EGFR: variants seen among roughly 807,000 people sequenced by gnomAD.
The protein encoded by EGFR is avian erythroblastic leukemia viral (v-erb-b) oncogene homolog.
EGFR carries 58 observed loss-of-function variants against 143.0 expected under a neutral mutation model. The ratio of observed to expected loss-of-function variants is 0.41; its 90% CI spans 0.33 to 0.50. EGFR has a LOEUF of 0.50. Ranked by LOEUF, EGFR falls within the 20% of genes least tolerant of loss-of-function variation. EGFR has a pLI of 0.39. For missense variants in EGFR, 1,307 were observed against 1,579.0 expected, an observed-to-expected ratio of 0.83 and a Z score of 2.92; for synonymous variants, 613 against 594.4, an observed-to-expected ratio of 1.03 and a Z score of -0.45.
At chr7:55,148,438 A>G (rs926309677) in intron 4 of EGFR, among the ~76,000 whole-genome samples, 6 of 152,218 alleles carry the variant, frequency 3.9e-5, no homozygotes, top group Non-Finnish European at 2.9e-5. Context: ...TGCAGTAAAA[A>G]GATTCAAATA....
At chr7:55,202,312 C>A (rs1787884603) in intron 26 of EGFR, among the ~76,000 whole-genome samples, 1 of 152,252 alleles carries the variant, frequency 6.6e-6, no homozygotes, top group Non-Finnish European at 1.5e-5. Flanking sequence ...GCGGAAAGTT[C>A]TGCTGTACAG....
chr7:55,094,475 G>A (rs1791323381), intron 1 of EGFR, among the ~76,000 whole-genome samples: 1 of 152,232 alleles, frequency 6.6e-6, no homozygotes, highest in South Asian at 2.1e-4. Context: ...TAAGATGTAG[G>A]CAGTTGATCC....
At chr7:55,034,956 T>A (rs977057750) in intron 1 of EGFR, among the ~76,000 whole-genome samples, 7 of 152,208 alleles carry the variant, frequency 4.6e-5, no homozygotes, top group African/African-American at 1.7e-4. Context: ...AAGGGTGGTC[T>A]AACCTTTGTC....
chr7:55,070,257 A>G (rs1789742951), intron 1 of EGFR, among the ~76,000 whole-genome samples: 1 of 152,170 alleles, frequency 6.6e-6, no homozygotes, highest in South Asian at 2.1e-4. Context: ...CTTGCTTTTC[A>G]GGGCACAATA....
intron 20 of EGFR, among the ~76,000 whole-genome samples, chr7:55,187,997 G>T (rs1009796482): frequency 6.6e-6 from 1 of 152,218 alleles, no homozygotes; most frequent in Non-Finnish European, 1.5e-5. Context: ...CAAAGTGGAG[G>T]TGAGAGGTGA....
chr7:55,107,196 T>A (rs189114849), intron 1 of EGFR, among the ~76,000 whole-genome samples: 1 of 152,224 alleles, frequency 6.6e-6, no homozygotes. Flanking sequence ...GTAACAATTA[T>A]GTATTTCTTC....
rs183939744 is a variant in EGFR at position 55,083,329 on chromosome 7, C to T, written c.89-58957C>T. 8.5e-5 allele frequency among the ~76,000 whole-genome samples: 13 copies of T among 152,366 alleles called. No individual in the cohort carries two copies. In the East Asian group the frequency reaches 2.5e-3, roughly 29 times the overall value. On this transcript the variant is annotated intron_variant, in intron 1 of 27. Transcript: ENST00000275493. ...GAATGTATTTCAATCATCATGTTCA[C>T]TTCCTTGGTATTCTTTAGACAATAA...
intron 1 of EGFR, among the ~76,000 whole-genome samples, chr7:55,074,096 C>T (rs922519294): frequency 2.0e-5 from 3 of 152,230 alleles, no homozygotes; most frequent in South Asian, 2.1e-4. Flanking sequence ...ATCTGCCTCG[C>T]GAAGGCTAAG....
intron 1 of EGFR, among the ~76,000 whole-genome samples, chr7:55,084,609 A>T (rs1790651967): frequency 6.6e-6 from 1 of 152,218 alleles, no homozygotes; most frequent in Non-Finnish European, 1.5e-5. Flanking sequence ...GCTTCTGTTG[A>T]TTAGAAGAGT....
rs145967840 is a variant in EGFR at position 55,022,235 on chromosome 7, C to G, written c.88+2870C>G. ...GCCTCTTACAGGATGAAGGTGCTCTCCAGAAGGGACACTGGAAAGTATTCC... is the reference window on the plus strand; with the variant it reads ...GCCTCTTACAGGATGAAGGTGCTCTGCAGAAGGGACACTGGAAAGTATTCC... On this transcript the variant is annotated intron_variant, in intron 1 of 27. Transcript: ENST00000275493. Among the ~76,000 whole-genome samples the G allele has an allele frequency of 3.8e-3, 573 of 152,242 alleles. 2 individuals are homozygous for G. The highest frequency in any genetic ancestry group is 0.013 in the African/African-American group (529 of 41,522).
chr7:55,184,179 G>A (rs1340129440), intron 20 of EGFR, among the ~76,000 whole-genome samples: 2 of 152,200 alleles, frequency 1.3e-5, no homozygotes, highest in Non-Finnish European at 2.9e-5. Context: ...GGAGGGCAGT[G>A]AGCCCCTTCG....
At chr7:55,063,397 A>G (rs1789307605) in intron 1 of EGFR, among the ~76,000 whole-genome samples, 1 of 152,144 alleles carries the variant, frequency 6.6e-6, no homozygotes, top group Non-Finnish European at 1.5e-5. Context: ...GATTGAAACG[A>G]TGTGGAATTC....
chr7:55,199,182 C>G lies in EGFR; in HGVS notation c.2848+319C>G, dbSNP rs17337416. ...TACCGAGTTGCCCTATATTTTGAAGCCTGTTACCAGAGAGACTGAATGTTT... is the reference window on the plus strand; with the variant it reads ...TACCGAGTTGCCCTATATTTTGAAGGCTGTTACCAGAGAGACTGAATGTTT... On this transcript the variant is annotated intron_variant, in intron 23 of 27. Coordinates refer to ENST00000275493, the MANE Select transcript of EGFR (RefSeq NM_005228.5). Among the ~76,000 whole-genome samples the G allele has an allele frequency of 3.4e-3, 516 of 152,314 alleles. 7 individuals carry two copies. Among genetic ancestry groups the G allele is most frequent in the African/African-American group, 0.012 (487 of 41,560 alleles).
chr7:55,031,157 T>C (rs1787220282), intron 1 of EGFR, among the ~76,000 whole-genome samples: 1 of 152,218 alleles, frequency 6.6e-6, no homozygotes, highest in Non-Finnish European at 1.5e-5. Context: ...TCTCCAGTTG[T>C]TATCTAGGTG....
At chr7:55,085,105 A>G (rs1431416391) in intron 1 of EGFR, among the ~76,000 whole-genome samples, 1 of 152,152 alleles carries the variant, frequency 6.6e-6, no homozygotes, top group Non-Finnish European at 1.5e-5. Flanking sequence ...AGGTCAGGGC[A>G]CCAGCAGCCT....
rs901965819 is a variant in EGFR, at chr7:55,211,298, C to G, written c.*5681C>G. 1 of 152,188 alleles carries G rather than the reference C, an allele frequency of 6.6e-6. No homozygotes were observed. Among genetic ancestry groups the G allele is most frequent in the African/African-American group, 2.4e-5 (1 of 41,432 alleles). The allele number at this position is 152,188 out of a possible 1,614,324, so 9.4% of individuals were successfully genotyped here. ...AAATAATCTTGCTGTACAATACAAT[C>G]TCTTGGAAATTAAGAGATCCTATGG... is the stretch of plus-strand genomic sequence containing the variant. On this transcript the variant is annotated 3_prime_UTR_variant, in exon 28 of 28. Transcript: ENST00000275493.
intron 1 of EGFR, among the ~76,000 whole-genome samples, chr7:55,108,362 G>A (rs929014287): frequency 5.9e-5 from 9 of 152,244 alleles, no homozygotes; most frequent in South Asian, 2.1e-4. Context: ...GTGTGCAGAG[G>A]GGTCCGAGAG....
At chr7:55,104,681 G>C (rs946909714) in intron 1 of EGFR, among the ~76,000 whole-genome samples, 1 of 152,184 alleles carries the variant, frequency 6.6e-6, no homozygotes, top group Admixed American at 6.5e-5. Context: ...GCTTGATCCA[G>C]TGCCTAGGCA....
chr7:55,046,470 C>A (rs1002583669), intron 1 of EGFR, among the ~76,000 whole-genome samples: 1 of 152,046 alleles, frequency 6.6e-6, no homozygotes, highest in Admixed American at 6.6e-5. Context: ...TGTGTATGGG[C>A]TGCCCTTCAT....
Sources: gnomAD v4.1 joint callset for allele counts (sites outside exome capture counted in the v4.1 genomes callset) on GRCh38, gnomAD v4.1.1 for gene constraint, MANE v1.5 for transcripts, NCBI Gene and HGNC (gene_info 2026-07-23, HGNC 2026-07-21) for gene names.